APAF1: variants seen among roughly 807,000 people sequenced by gnomAD.
APAF1 encodes the protein apoptotic peptidase activating factor 1, also known as apoptotic protease-activating factor 1.
Under a neutral mutation model 152.4 loss-of-function variants are expected in APAF1, and 91 were observed. The ratio of observed to expected loss-of-function variants is 0.60; its 90% CI spans 0.50 to 0.71. APAF1 has a LOEUF of 0.71. Ranked by LOEUF, APAF1 falls within the 30% of genes least tolerant of loss-of-function variation. The probability of loss-of-function intolerance (pLI) is 0.00; values close to 1 mark genes in which losing one functional copy is unlikely to be tolerated. For synonymous variants in APAF1, 484 were observed against 494.1 expected, an observed-to-expected ratio of 0.98 and a Z score of 0.27; for missense variants, 1,283 against 1,472.0, an observed-to-expected ratio of 0.87 and a Z score of 2.10.
chr12:98,723,047 C>T (rs947203115), intron 22 of APAF1, 146 bp from the exon 23 acceptor site: 18 of 776,394 alleles, frequency 2.3e-5, no homozygotes, highest in Non-Finnish European at 3.4e-5. Flanking sequence ...ATGTGGACAC[C>T]ACAGTCTTCT....
Position 98,711,035 on chromosome 12 carries a change from A to ATGGC in APAF1, c.2842-1282_2842-1279dup, listed in dbSNP as rs371806363. On this transcript the variant is annotated intron_variant, in intron 20 of 26. Coordinates refer to ENST00000551964, the MANE Select transcript of APAF1 (RefSeq NM_181861.2). ...ATCAAGCTGTAAGTCACCTCTGAAT[A>ATGGC]TGGCTTGCTTTGATTTTACAAGTTT... Among the ~76,000 whole-genome samples, 270 of 152,314 alleles carry ATGGC rather than the reference A, an allele frequency of 1.8e-3. 1 individual carries two copies. The highest frequency in any genetic ancestry group is 6.1e-3 in the African/African-American group (254 of 41,556).
intron 4 of APAF1, among the ~76,000 whole-genome samples, chr12:98,653,656 CAAAAAAAAAAAAAAAAAAAA>C (rs61301412): frequency 2.9e-4 from 5 of 17,530 alleles, no homozygotes; most frequent in Admixed American, 1.5e-3. Flanking sequence ...GATGCCGTCT[CAAAAAAAAAAAAAAAAAAAA>C]AAAAAAAAAA....
chr12:98,719,005 C>T (rs2097738333), intron 22 of APAF1, among the ~76,000 whole-genome samples: 1 of 152,164 alleles, frequency 6.6e-6, no homozygotes, highest in Admixed American at 6.5e-5. Flanking sequence ...TTTCGACCTT[C>T]TCTTTCCTTT....
At chr12:98,700,708 A>C (rs1043252993) in intron 17 of APAF1, among the ~76,000 whole-genome samples, 3 of 152,200 alleles carry the variant, frequency 2.0e-5, no homozygotes, top group African/African-American at 7.2e-5. Flanking sequence ...TTACTACTAT[A>C]TATTTCCAAA....
chr12:98,727,798 G>A (rs1032285618), intron 26 of APAF1, among the ~76,000 whole-genome samples: 13 of 151,626 alleles, frequency 8.6e-5, no homozygotes, highest in East Asian at 5.8e-4. Context: ...AAAAATAGCC[G>A]GGCGTGGTGG....
intron 4 of APAF1, among the ~76,000 whole-genome samples, chr12:98,658,492 A>G (rs1297073004): frequency 6.6e-6 from 1 of 152,214 alleles, no homozygotes; most frequent in Non-Finnish European, 1.5e-5. Flanking sequence ...TGGGCTAGAC[A>G]GCCTTATTTC....
chr12:98,708,819 C>A (rs1295598787), intron 20 of APAF1, 115 bp downstream of exon 20: 25 of 981,562 alleles, frequency 2.5e-5, no homozygotes, highest in Non-Finnish European at 3.4e-5. Context: ...TAACAGGTGT[C>A]CAGCAGACAT....
In APAF1 at chr12:98,677,518, AAT is replaced by A. The variant is rs2097687892; in HGVS notation, c.1889_1890del (p.Ile630SerfsTer6). ...CCTGCTTTTCTGAGGATGGTCAGAG[AAT>A]AGCTTCTTGTGGAGCTGATAAAACC... The part of the protein sequence containing the change: ...HACFSEDGQR[I>X]ASCGADKTLQ... On this transcript the variant is annotated frameshift_variant, in exon 13 of 27. Coordinates refer to ENST00000551964, the MANE Select transcript of APAF1 (RefSeq NM_181861.2). LOFTEE classifies it high-confidence loss of function. The A allele has an allele frequency of 6.2e-7, 1 of 1,614,074 alleles. No homozygotes were observed. The highest frequency in any genetic ancestry group is 8.5e-7 in the Non-Finnish European group (1 of 1,180,048).
intron 22 of APAF1, among the ~76,000 whole-genome samples, chr12:98,716,815 A>G (rs2097735246): frequency 6.6e-6 from 1 of 151,942 alleles, no homozygotes; most frequent in Non-Finnish European, 1.5e-5. Flanking sequence ...CGGACTGATA[A>G]TCTAGTTTTC....
chr12:98,688,642 T>TC lies in APAF1; in HGVS notation c.2304+1769_2304+1770insC, dbSNP rs60275805. Reference sequence around the variant, plus strand: ...TGTGCCATCACACCTGGCGAAATTTTTTTTTTTTTTTTTTTTTTAGAGATA... The same window carrying TC: ...TGTGCCATCACACCTGGCGAAATTTTCTTTTTTTTTTTTTTTTTTAGAGATA... On this transcript the variant is annotated intron_variant, in intron 16 of 26. Coordinates refer to ENST00000551964, the MANE Select transcript of APAF1 (RefSeq NM_181861.2). Among the ~76,000 whole-genome samples the TC allele has an allele frequency of 2.2e-3, 279 of 125,176 alleles. 5 individuals carry two copies. Among genetic ancestry groups the TC allele is most frequent in the South Asian group, 9.2e-3 (30 of 3,258 alleles). 82.1% of individuals were successfully genotyped at this position (125,176 alleles called of 152,430 possible).
At chr12:98,670,895 G>A (rs2153319674) in intron 10 of APAF1, 78 bp from the exon 11 acceptor site, 3 of 800,116 alleles carry the variant, frequency 3.7e-6, no homozygotes, top group Admixed American at 1.8e-5. Flanking sequence ...TCTCTTAGCA[G>A]TGTGAGGTTA....
chr12:98,717,914 G>A (rs2097736817), intron 22 of APAF1, among the ~76,000 whole-genome samples: 1 of 152,064 alleles, frequency 6.6e-6, no homozygotes. Flanking sequence ...GTATCTTCAG[G>A]TCTTTTGTCT....
intron 22 of APAF1, among the ~76,000 whole-genome samples, chr12:98,720,041 G>A (rs1485690605): frequency 6.6e-6 from 1 of 152,180 alleles, no homozygotes; most frequent in South Asian, 2.1e-4. Flanking sequence ...GTAAAACTCA[G>A]TGTAATAGTC....
chr12:98,661,892 A>G (rs1378354878), intron 5 of APAF1, among the ~76,000 whole-genome samples: 1 of 152,140 alleles, frequency 6.6e-6, no homozygotes, highest in African/African-American at 2.4e-5. Flanking sequence ...TGGAGAGAAC[A>G]ACTGGGAACT....
intron 18 of APAF1, 79 bp downstream of exon 18, chr12:98,703,578 T>G: frequency 1.3e-6 from 2 of 1,557,454 alleles, no homozygotes; most frequent in South Asian, 2.2e-5. Context: ...CTTAAACCAT[T>G]AACTGCTGAG....
At chr12:98,680,048 TC>T (rs1399477968) in intron 13 of APAF1, among the ~76,000 whole-genome samples, 2 of 152,204 alleles carry the variant, frequency 1.3e-5, no homozygotes, top group Admixed American at 1.3e-4. Flanking sequence ...ACCCCAAAGA[TC>T]CTGTAACATT....
intron 22 of APAF1, among the ~76,000 whole-genome samples, chr12:98,717,373 A>AT (rs897675783): frequency 3.3e-5 from 5 of 149,288 alleles, no homozygotes; most frequent in African/African-American, 9.8e-5. Flanking sequence ...CACACATATA[A>AT]TTTTTTTTTG....
intron 16 of APAF1, among the ~76,000 whole-genome samples, chr12:98,689,510 G>A (rs2153328416): frequency 6.6e-6 from 1 of 151,820 alleles, no homozygotes; most frequent in Non-Finnish European, 1.5e-5. Context: ...GAGAGACACA[G>A]GGTCTTACTT....
At chr12:98,729,381 G>A (rs974317374) in intron 26 of APAF1, among the ~76,000 whole-genome samples, 3 of 152,172 alleles carry the variant, frequency 2.0e-5, no homozygotes, top group Non-Finnish European at 4.4e-5. Context: ...TTAGATTCTC[G>A]TAAGGAGTGC....
Sources: allele counts gnomAD v4.1 joint callset (sites outside exome capture counted in the v4.1 genomes callset), GRCh38; gene constraint gnomAD v4.1.1; transcripts MANE v1.5; gene names NCBI Gene and HGNC (gene_info 2026-07-23, HGNC 2026-07-21).